The following ARHGAP5 variants were observed in gnomAD, a reference collection of about 807,000 sequenced individuals.
ARHGAP5 encodes Rho GTPase activating protein 5, also known as rho GTPase-activating protein 5.
ARHGAP5 carries 23 observed loss-of-function variants against 116.6 expected under a neutral mutation model. The ratio of observed to expected loss-of-function variants is 0.20; its 90% CI spans 0.14 to 0.28. The LOEUF (loss-of-function observed/expected upper bound fraction) is 0.28, where lower values mean the gene tolerates loss of function less well. ARHGAP5 is among the 10% of genes least tolerant of loss of function. The pLI is 1.00. For missense variants in ARHGAP5, 1,405 were observed against 1,774.8 expected, an observed-to-expected ratio of 0.79 and a Z score of 3.74; for synonymous variants, 574 against 602.0, an observed-to-expected ratio of 0.95 and a Z score of 0.68.
intron 2 of ARHGAP5, among the ~76,000 whole-genome samples, chr14:32,103,555 G>T (rs1878883382): frequency 6.6e-6 from 1 of 152,164 alleles, no homozygotes; most frequent in African/African-American, 2.4e-5. Context: ...ATGTGTCAAG[G>T]AGGCACTTCT....
intron 3 of ARHGAP5, among the ~76,000 whole-genome samples, chr14:32,129,916 A>T (rs1880382753): frequency 2.0e-5 from 3 of 151,974 alleles, no homozygotes; most frequent in Admixed American, 2.0e-4. Flanking sequence ...GTATGACCAC[A>T]CTTCCAGGCA....
At chr14:32,150,924 G>A (rs147937752) in intron 5 of ARHGAP5, among the ~76,000 whole-genome samples, 1 of 152,294 alleles carries the variant, frequency 6.6e-6, no homozygotes, top group East Asian at 1.9e-4. Flanking sequence ...TTGGGCATCA[G>A]TTTCATCCAC....
intron 2 of ARHGAP5, among the ~76,000 whole-genome samples, chr14:32,094,780 T>C (rs1209489280): frequency 6.6e-6 from 1 of 152,220 alleles, no homozygotes; most frequent in Admixed American, 6.5e-5. Flanking sequence ...AATAAAATTG[T>C]AACAGTTTAC....
At chr14:32,115,402 G>A (rs969288233) in intron 2 of ARHGAP5, among the ~76,000 whole-genome samples, 2 of 152,140 alleles carry the variant, frequency 1.3e-5, no homozygotes, top group Non-Finnish European at 2.9e-5. Context: ...GGTGGCTCAT[G>A]CCTGTAATAC....
At chr14:32,098,900 ATAGATTTCTTTCT>A (rs1878658419) in intron 2 of ARHGAP5, among the ~76,000 whole-genome samples, 1 of 152,260 alleles carries the variant, frequency 6.6e-6, no homozygotes, top group Admixed American at 6.5e-5. Context: ...TAGAGAGTGA[ATAGATTTCTTTCT>A]TGTGATCACT....
chr14:32,142,074 A>C (rs1243710320), intron 3 of ARHGAP5, among the ~76,000 whole-genome samples: 1 of 152,014 alleles, frequency 6.6e-6, no homozygotes, highest in African/African-American at 2.4e-5. Flanking sequence ...GTACTTTTCA[A>C]TTGCAGAATT....
intron 5 of ARHGAP5, among the ~76,000 whole-genome samples, chr14:32,151,536 C>G (rs928341950): frequency 6.6e-6 from 1 of 152,242 alleles, no homozygotes; most frequent in Admixed American, 6.5e-5. Context: ...GACTTTTAAG[C>G]TGAGAGTCGT....
intron 6 of ARHGAP5, chr14:32,154,418 C>T (rs922080982): frequency 1.2e-5 from 6 of 507,014 alleles, no homozygotes; most frequent in Non-Finnish European, 1.7e-5. Flanking sequence ...CAAAGTGCTG[C>T]GATTACAGGC....
At position 32,117,212 on chromosome 14, in the gene ARHGAP5, C is replaced by G. The variant is rs146454039; in HGVS notation, c.3790C>G (p.Leu1264Val). The G allele has an allele frequency of 1.1e-3, 1,717 of 1,612,222 alleles. No homozygotes were observed. The highest frequency in any genetic ancestry group is 1.4e-3 in the Non-Finnish European group (1,642 of 1,178,898). Residue 1264 changes from leucine (L) to valine (V), a missense_variant, in exon 3 of 7, where the codon CTC (leucine) becomes GTC (valine). Coordinates refer to ENST00000345122, the MANE Select transcript of ARHGAP5 (RefSeq NM_001030055.2). ...NWESNYFGMP[L>V]QDLVTAEKPI... ...GGAAAGTAATTACTTTGGGATGCCC[C>G]TCCAGGATCTGGTTACAGCTGAGAA...
At position 32,092,163 on chromosome 14, in the gene ARHGAP5, T is replaced by C. The variant is rs1347235072; in HGVS notation, c.1494T>C (p.Ser498=). 2.5e-6 allele frequency: 4 copies of C among 1,613,756 alleles called. No individual in the cohort carries two copies. In the Admixed American group the frequency reaches 6.7e-5, roughly 27 times the overall value. Residue 498 remains serine (S), a synonymous_variant, in exon 2 of 7, where the codon TCT becomes TCC. Coordinates refer to ENST00000345122, the MANE Select transcript of ARHGAP5 (RefSeq NM_001030055.2). This position sits in a 1 kb window ranked among gnomAD's most constrained non-coding sequence, Gnocchi z 4.1. ...TTCAAGAAATGCTTTTTGAGCATTC[T>C]GAACTTTTTTATGATTTAGATCTTA... is the stretch of plus-strand genomic sequence containing the variant. ...EEFQEMLFEH[S]ELFYDLDLNA... is the part of the protein sequence containing the mutation.
At chr14:32,150,959 A>G (rs554447118) in intron 5 of ARHGAP5, among the ~76,000 whole-genome samples, 1 of 152,370 alleles carries the variant, frequency 6.6e-6, no homozygotes, top group Admixed American at 6.5e-5. Flanking sequence ...ACAAAAAATT[A>G]GCACAGTTGC....
chr14:32,127,443 T>C (rs140783387), intron 3 of ARHGAP5, among the ~76,000 whole-genome samples: 11,254 of 152,198 alleles, frequency 0.074, 568 homozygotes, highest in Admixed American at 0.12. Context: ...TTAATCCATT[T>C]AACCCTGAGT....
At chr14:32,140,719 T>C (rs1240982012) in intron 3 of ARHGAP5, among the ~76,000 whole-genome samples, 1 of 152,252 alleles carries the variant, frequency 6.6e-6, no homozygotes, top group Non-Finnish European at 1.5e-5. Context: ...TAAAATTTAT[T>C]TAAACTTGTT....
chr14:32,136,266 C>G (rs1315160421), intron 3 of ARHGAP5, among the ~76,000 whole-genome samples: 2 of 152,106 alleles, frequency 1.3e-5, no homozygotes, highest in East Asian at 3.9e-4. Flanking sequence ...GATCCTGTGC[C>G]CATTAAAGTC....
chr14:32,144,136 G>T (rs944809733), intron 3 of ARHGAP5, among the ~76,000 whole-genome samples: 2 of 152,144 alleles, frequency 1.3e-5, no homozygotes, highest in African/African-American at 4.8e-5. Context: ...AAAAAATTGC[G>T]TCTAATTGGA....
rs562202368 is a variant in ARHGAP5 at position 32,155,502 on chromosome 14, T to G, written c.*554T>G. On this transcript the variant is annotated 3_prime_UTR_variant, in exon 7 of 7. Coordinates refer to ENST00000345122, the MANE Select transcript of ARHGAP5 (RefSeq NM_001030055.2). ...AAAAATACACTTGACATATTTCACA[T>G]TTCTGTACCTTCATCTTTACTTCCA... The G allele has an allele frequency of 6.5e-6, 1 of 153,106 alleles. No individual in the cohort carries two copies. The highest frequency in any genetic ancestry group is 6.5e-5 in the Admixed American group (1 of 15,348). 9.5% of individuals were successfully genotyped at this position (153,106 alleles called of 1,614,324 possible).
chr14:32,143,227 G>GTTATTATTA (rs1277351875), intron 3 of ARHGAP5, among the ~76,000 whole-genome samples: 16 of 147,568 alleles, frequency 1.1e-4, no homozygotes, highest in African/African-American at 4.2e-4. Context: ...TGTTGTTGTT[G>GTTATTATTA]TTGTTGTTGT....
At chr14:32,115,880 A>G (rs910075583) in intron 2 of ARHGAP5, among the ~76,000 whole-genome samples, 11 of 151,152 alleles carry the variant, frequency 7.3e-5, no homozygotes, top group African/African-American at 2.4e-4. Context: ...CTGTAGTCCC[A>G]GCTACTTGGA....
chr14:32,118,175 A>C (rs748400668), intron 3 of ARHGAP5, among the ~76,000 whole-genome samples: 38 of 152,172 alleles, frequency 2.5e-4, no homozygotes, highest in South Asian at 1.2e-3. Context: ...TGAGTTATCT[A>C]TTTGGTAAGG....
Sources: gnomAD v4.1 joint callset for allele counts (sites outside exome capture counted in the v4.1 genomes callset) on GRCh38, gnomAD v4.1.1 for gene constraint, Gnocchi (gnomAD v3.1) non-coding constraint, MANE v1.5 for transcripts, NCBI Gene and HGNC (gene_info 2026-07-23, HGNC 2026-07-21) for gene names.